DLGAP1: variants seen among roughly 807,000 people sequenced by gnomAD.
The protein encoded by DLGAP1 is disks large-associated protein 1.
In DLGAP1, 11 loss-of-function variants were observed where a neutral mutation model predicts 90.8. The observed-to-expected ratio is 0.12, with a 90% CI of 0.08 to 0.20. The LOEUF is 0.20. Ranked by LOEUF, DLGAP1 falls within the 10% of genes least tolerant of loss-of-function variation. DLGAP1 has a pLI of 1.00. For missense variants in DLGAP1, 1,050 were observed against 1,333.8 expected (o/e 0.79, Z 3.31); for synonymous variants, 558 against 540.7 (o/e 1.03, Z -0.44).
Position 4,311,809 on chromosome 18 carries a change from G to A in DLGAP1, c.-267+143197C>T, listed in dbSNP as rs377668292. On this transcript the variant is annotated intron_variant, in intron 1 of 12. Transcript: ENST00000315677. Reference sequence around the variant, plus strand: ...CGGCTCACTGCAACCTCCACCTCCCGGGTTCAAGCAATTCTCCTGTCTCAG... The same window carrying A: ...CGGCTCACTGCAACCTCCACCTCCCAGGTTCAAGCAATTCTCCTGTCTCAG... Among the ~76,000 whole-genome samples, 82 of 152,198 alleles carry A rather than the reference G, an allele frequency of 5.4e-4. 1 individual carries two copies. The highest frequency in any genetic ancestry group is 4.4e-3 in the Admixed American group (67 of 15,282).
At chr18:4,171,564 CAAA>C (rs113484195) in intron 1 of DLGAP1, among the ~76,000 whole-genome samples, 1 of 87,498 alleles carries the variant, frequency 1.1e-5, no homozygotes. Context: ...GACTCCATCT[CAAA>C]AAAAAAAAAA....
intron 5 of DLGAP1, among the ~76,000 whole-genome samples, chr18:3,767,284 G>C (rs2064292405): frequency 6.6e-6 from 1 of 152,024 alleles, no homozygotes; most frequent in Admixed American, 6.5e-5. Flanking sequence ...AAATATCCAG[G>C]TCCAGATGGT....
At chr18:4,281,633 A>C (rs1001274548) in intron 1 of DLGAP1, among the ~76,000 whole-genome samples, 1 of 152,218 alleles carries the variant, frequency 6.6e-6, no homozygotes, top group African/African-American at 2.4e-5. Context: ...TCTTTGCAGC[A>C]GTTGTTTTCT....
chr18:3,780,201 C>G (rs988180584), intron 5 of DLGAP1, among the ~76,000 whole-genome samples: 1 of 152,210 alleles, frequency 6.6e-6, no homozygotes, highest in African/African-American at 2.4e-5. Context: ...TAAAGGTATC[C>G]TTTCTCCACA....
In DLGAP1 at chr18:4,100,293, T is replaced by C. The variant is rs562332003; in HGVS notation, c.-159+50887A>G. 6.6e-5 allele frequency among the ~76,000 whole-genome samples: 10 copies of C among 152,344 alleles called. No homozygotes were observed. The East Asian group carries it at 1.7e-3, about 26-fold the overall frequency. On this transcript the variant is annotated intron_variant, in intron 2 of 12. Coordinates refer to ENST00000315677, the MANE Select transcript of DLGAP1 (RefSeq NM_004746.4). Reference sequence around the variant, plus strand: ...TGAAAACAATATTGATCTCCCTGTATAGCTCCATCAGAGCTCTTGGGTGAA... The same window carrying C: ...TGAAAACAATATTGATCTCCCTGTACAGCTCCATCAGAGCTCTTGGGTGAA...
intron 7 of DLGAP1, among the ~76,000 whole-genome samples, chr18:3,690,094 GT>G (rs77999372): frequency 0.26 from 30,069 of 115,914 alleles, 4,010 homozygotes; most frequent in East Asian, 0.46. Context: ...GCTGGGTGAG[GT>G]TTTTTTTTTT....
At chr18:4,255,511 AT>A (rs1241765465) in intron 1 of DLGAP1, among the ~76,000 whole-genome samples, 75 of 125,860 alleles carry the variant, frequency 6.0e-4, no homozygotes, top group Middle Eastern at 3.8e-3. Flanking sequence ...GAAAAAAAAA[AT>A]ATATATATAT....
chr18:3,635,318 A>G (rs1289274030), intron 7 of DLGAP1, among the ~76,000 whole-genome samples: 1 of 150,230 alleles, frequency 6.7e-6, no homozygotes, highest in Admixed American at 6.6e-5. Flanking sequence ...TTGTATTTTT[A>G]GTAGAGACGG....
intron 1 of DLGAP1, among the ~76,000 whole-genome samples, chr18:4,376,615 G>A (rs2082018927): frequency 6.6e-6 from 1 of 152,134 alleles, no homozygotes; most frequent in Admixed American, 6.6e-5. Context: ...ATGTCAAGAG[G>A]AAACTTTCTA....
chr18:4,095,389 G>A (rs2075660362), intron 2 of DLGAP1, among the ~76,000 whole-genome samples: 1 of 152,170 alleles, frequency 6.6e-6, no homozygotes, highest in Admixed American at 6.5e-5. Context: ...AGACATAGAT[G>A]TATCCCCATG....
intron 7 of DLGAP1, among the ~76,000 whole-genome samples, chr18:3,659,448 C>CCCT (rs2059611438): frequency 6.9e-6 from 1 of 144,918 alleles, no homozygotes; most frequent in Admixed American, 6.8e-5. Flanking sequence ...TGCTACCACC[C>CCCT]CCCGCCGCCC....
At position 3,502,500 on chromosome 18, in the gene DLGAP1, T is replaced by C. The variant is rs1310385751; in HGVS notation, c.2717A>G (p.Asp906Gly). ...ANNWKQMDPL[D>G]KKERRAPPPV... ...AAATCTACATTGTTCTACCTTCTTGTCAAGAGGATCCATCTGTTTCCAATT... is the reference window on the plus strand; with the variant it reads ...AAATCTACATTGTTCTACCTTCTTGCCAAGAGGATCCATCTGTTTCCAATT... The change falls in exon 12 of 13, where the codon GAC becomes GGC. Residue 906 changes from aspartate to glycine, a missense_variant. Around this residue, in one of 2 missense-constraint regions of DLGAP1, gnomAD observed 565 missense variants for 879.7 expected, o/e 0.64. Coordinates refer to ENST00000315677, the MANE Select transcript of DLGAP1 (RefSeq NM_004746.4). The C allele has an allele frequency of 6.2e-7, 1 of 1,614,166 alleles. No individual in the cohort carries two copies. Among genetic ancestry groups the C allele is most frequent in the Non-Finnish European group, 8.5e-7 (1 of 1,180,036 alleles).
intron 2 of DLGAP1, among the ~76,000 whole-genome samples, chr18:4,011,875 A>C (rs564630458): frequency 2.0e-4 from 31 of 152,252 alleles, no homozygotes; most frequent in African/African-American, 7.5e-4. Flanking sequence ...AATTAAAAAA[A>C]AATCTTCTAA....
At chr18:3,889,706 C>T (rs1339758180) in intron 3 of DLGAP1, among the ~76,000 whole-genome samples, 1 of 152,164 alleles carries the variant, frequency 6.6e-6, no homozygotes, top group East Asian at 1.9e-4. Flanking sequence ...GGCATCCATG[C>T]AGAGCCTTCA....
At chr18:3,627,753 T>G (rs565035688) in intron 7 of DLGAP1, among the ~76,000 whole-genome samples, 1 of 152,214 alleles carries the variant, frequency 6.6e-6, no homozygotes, top group South Asian at 2.1e-4. Context: ...TTCAAATTCC[T>G]AAGCTCAAGT....
intron 1 of DLGAP1, among the ~76,000 whole-genome samples, chr18:4,354,135 G>C (rs1447437872): frequency 6.6e-6 from 1 of 152,174 alleles, no homozygotes; most frequent in Admixed American, 6.5e-5. Flanking sequence ...GGCCTCAAAA[G>C]CAAAGCCTCT....
chr18:4,065,959 C>T (rs2143380691), intron 2 of DLGAP1, among the ~76,000 whole-genome samples: 1 of 151,896 alleles, frequency 6.6e-6, no homozygotes, highest in South Asian at 2.1e-4. Context: ...GGTGCTAGTA[C>T]AAAACAGACA....
chr18:4,044,249 C>A (rs779359048), intron 2 of DLGAP1, among the ~76,000 whole-genome samples: 25 of 152,172 alleles, frequency 1.6e-4, no homozygotes, highest in Non-Finnish European at 2.9e-4. Flanking sequence ...TATTTATACT[C>A]CTGGCCACCT....
intron 3 of DLGAP1, among the ~76,000 whole-genome samples, chr18:3,905,541 T>C (rs1301681989): frequency 6.6e-6 from 1 of 152,072 alleles, no homozygotes; most frequent in Non-Finnish European, 1.5e-5. Flanking sequence ...AGGAAACATC[T>C]AAAGAAGGCT....
Sources: gnomAD v4.1 joint callset for allele counts (sites outside exome capture counted in the v4.1 genomes callset) on GRCh38, gnomAD v4.1.1 for gene constraint, gnomAD v4.1.1 regional missense constraint, MANE v1.5 for transcripts, NCBI Gene and HGNC (gene_info 2026-07-23, HGNC 2026-07-21) for gene names.